Variants in DTNA observed in about 807,000 individuals in gnomAD.
DTNA encodes dystrophin-related protein 3.
Under a neutral mutation model 100.7 loss-of-function variants are expected in DTNA, and 43 were observed. The ratio of observed to expected loss-of-function variants is 0.43; its 90% CI spans 0.33 to 0.55. The LOEUF is 0.55. Ranked by LOEUF, DTNA falls within the 20% of genes least tolerant of loss-of-function variation. The pLI is 0.04. For missense variants in DTNA, 798 were observed against 953.9 expected, an observed-to-expected ratio of 0.84 and a Z score of 2.15; for synonymous variants, 349 against 347.9, an observed-to-expected ratio of 1.00 and a Z score of -0.04.
At chr18:34,688,434 G>A (rs1483373049) in intron 1 of DTNA, among the ~76,000 whole-genome samples, 1 of 152,178 alleles carries the variant, frequency 6.6e-6, no homozygotes, top group Non-Finnish European at 1.5e-5. Context: ...ATTCTGGGTT[G>A]AAAATTCTTT....
At chr18:34,505,885 A>G (rs2040439546) in intron 1 of DTNA, among the ~76,000 whole-genome samples, 1 of 152,206 alleles carries the variant, frequency 6.6e-6, no homozygotes, top group Non-Finnish European at 1.5e-5. Flanking sequence ...GGTTCTTGGT[A>G]TGATGAATGA....
intron 10 of DTNA, among the ~76,000 whole-genome samples, chr18:34,828,671 T>A (rs1309037785): frequency 6.6e-6 from 1 of 152,116 alleles, no homozygotes; most frequent in Non-Finnish European, 1.5e-5. Flanking sequence ...TCCCCATAAT[T>A]GTAATTAGCA....
intron 1 of DTNA, among the ~76,000 whole-genome samples, chr18:34,602,366 C>G (rs1434567347): frequency 6.6e-6 from 1 of 152,144 alleles, no homozygotes; most frequent in African/African-American, 2.4e-5. Context: ...TTGGAACATG[C>G]TGTATACCGT....
chr18:34,834,392 A>G (rs2149656030), intron 11 of DTNA, among the ~76,000 whole-genome samples: 1 of 152,030 alleles, frequency 6.6e-6, no homozygotes, highest in Non-Finnish European at 1.5e-5. Flanking sequence ...AATCCCAGCT[A>G]CTCAGGAGGC....
chr18:34,626,741 G>T (rs78196873), intron 1 of DTNA, among the ~76,000 whole-genome samples: 301 of 152,318 alleles, frequency 2.0e-3, no homozygotes, highest in Non-Finnish European at 3.6e-3. Flanking sequence ...AGGCTTTAGG[G>T]TCTGCTCCAG....
intron 1 of DTNA, among the ~76,000 whole-genome samples, chr18:34,690,601 A>C (rs944703573): frequency 6.6e-6 from 1 of 152,164 alleles, no homozygotes; most frequent in African/African-American, 2.4e-5. Context: ...ACAATGGGAG[A>C]TTTTAAATAA....
intron 3 of DTNA, among the ~76,000 whole-genome samples, chr18:34,785,972 A>C (rs2148890286): frequency 6.6e-6 from 1 of 152,322 alleles, no homozygotes; most frequent in South Asian, 2.1e-4. Flanking sequence ...TAGGGTAATG[A>C]GTCTCAGGAA....
chr18:34,788,436 T>G (rs932102700), intron 3 of DTNA, among the ~76,000 whole-genome samples: 2 of 152,006 alleles, frequency 1.3e-5, no homozygotes, highest in Admixed American at 6.6e-5. Context: ...AAAACAACAA[T>G]GTAGTAGAGA....
intron 1 of DTNA, among the ~76,000 whole-genome samples, chr18:34,697,594 A>C (rs73416446): frequency 0.062 from 9,396 of 152,152 alleles, 942 homozygotes; most frequent in African/African-American, 0.21. Flanking sequence ...TTTTAAAAGA[A>C]CCTCTTTGAT....
intron 2 of DTNA, 110 bp from the exon 3 acceptor site, chr18:34,765,851 A>C: frequency 9.6e-7 from 1 of 1,046,100 alleles, no homozygotes; most frequent in Admixed American, 2.3e-5. Context: ...TATTCTAATA[A>C]AAATAAAATT....
chr18:34,767,059 G>A (rs915175367), intron 3 of DTNA, among the ~76,000 whole-genome samples: 1 of 152,058 alleles, frequency 6.6e-6, no homozygotes, highest in African/African-American at 2.4e-5. Flanking sequence ...CATAGTTCAT[G>A]TGTAAGAACG....
chr18:34,590,774 A>ATGAAAGAGG (rs1300567542), intron 1 of DTNA, among the ~76,000 whole-genome samples: 1 of 152,224 alleles, frequency 6.6e-6, no homozygotes, highest in Non-Finnish European at 1.5e-5. Context: ...ATTAGTGCTT[A>ATGAAAGAGG]TGAAAGAGGA....
At chr18:34,655,899 C>T (rs996174642) in intron 1 of DTNA, among the ~76,000 whole-genome samples, 40 of 152,278 alleles carry the variant, frequency 2.6e-4, no homozygotes, top group African/African-American at 9.1e-4. Flanking sequence ...GAAATTAAGT[C>T]TTCATTTTAC....
chr18:34,678,282 A>G (rs2077639900), intron 1 of DTNA, among the ~76,000 whole-genome samples: 1 of 152,140 alleles, frequency 6.6e-6, no homozygotes, highest in Non-Finnish European at 1.5e-5. Context: ...TTGTTATAGA[A>G]TTTTCTTTAG....
chr18:34,538,362 A>G (rs887503544), intron 1 of DTNA, among the ~76,000 whole-genome samples: 5 of 152,062 alleles, frequency 3.3e-5, no homozygotes, highest in African/African-American at 1.2e-4. Flanking sequence ...GATTAGAACA[A>G]AGACCATGCA....
intron 1 of DTNA, among the ~76,000 whole-genome samples, chr18:34,654,048 G>A (rs1346499764): frequency 1.3e-5 from 2 of 152,174 alleles, no homozygotes; most frequent in Admixed American, 1.3e-4. Context: ...ATGAGAGGAA[G>A]GCTTGGGACA....
chr18:34,880,378 AC>A (rs2096860721), intron 20 of DTNA, among the ~76,000 whole-genome samples: 1 of 152,186 alleles, frequency 6.6e-6, no homozygotes, highest in Admixed American at 6.5e-5. Flanking sequence ...AAGCTGAGAA[AC>A]AAAGGCAAAG....
intron 1 of DTNA, among the ~76,000 whole-genome samples, chr18:34,688,412 G>A (rs2079220170): frequency 6.6e-6 from 1 of 152,128 alleles, no homozygotes; most frequent in Non-Finnish European, 1.5e-5. Context: ...GCTTAGTTTG[G>A]CTAGATATGA....
intron 13 of DTNA, among the ~76,000 whole-genome samples, chr18:34,844,087 A>G (rs1310161365): frequency 6.6e-6 from 1 of 152,140 alleles, no homozygotes; most frequent in Admixed American, 6.6e-5. Context: ...ATATAAATCT[A>G]AAGACTGTCA....
Sources: allele counts gnomAD v4.1 joint callset (sites outside exome capture counted in the v4.1 genomes callset), GRCh38; gene constraint gnomAD v4.1.1; transcripts MANE v1.5; gene names NCBI Gene and HGNC (gene_info 2026-07-23, HGNC 2026-07-21).